The following MEX3D variants were observed in gnomAD, a reference collection of about 807,000 sequenced individuals.
The protein encoded by MEX3D is RNA-binding protein MEX3D.
In MEX3D, 4 loss-of-function variants were observed where a neutral mutation model predicts 6.3. The ratio of observed to expected loss-of-function variants is 0.64; its 90% CI spans 0.31 to 1.46. The LOEUF (loss-of-function observed/expected upper bound fraction) is 1.46. Among genes scored for constraint, MEX3D ranks in the 40% most tolerant of loss-of-function variants. The pLI, the probability that MEX3D is intolerant of heterozygous loss-of-function variation, is 0.07. For missense variants in MEX3D, 1,038 were observed against 994.4 expected (o/e 1.04, Z -0.59); for synonymous variants, 626 against 494.1 (o/e 1.27, Z -3.54).
At position 1,567,043 on chromosome 19, in the gene MEX3D, G is replaced by A. The variant is rs532044931; in HGVS notation, c.595+421C>T. The stretch of plus-strand genomic sequence containing the variant: ...GCCTTCTCTCCCGGTCCTGCAGGCG[G>A]CCCCCCTAAGCCACCCCTAAACCTG... On this transcript the variant is annotated intron_variant, in intron 1 of 1. Transcript: ENST00000402693. This position sits in a 1 kb window ranked among gnomAD's most constrained non-coding sequence, Gnocchi z 6.5. Among the ~76,000 whole-genome samples, 1 of 152,194 alleles carries A rather than the reference G, an allele frequency of 6.6e-6. No homozygotes were observed. The highest frequency in any genetic ancestry group is 2.1e-4 in the South Asian group (1 of 4,832).
rs1366660213 is a variant in MEX3D, at chr19:1,555,992, C to T, written c.1527G>A (p.Gly509=). ...AAGARRSSGA[G]TPRHSPTLPE... ...GCAGCGTGGGCGAGTGGCGGGGGGT[C>T]CCGGCCCCACTGCTGCGCCGGGCGC... Residue 509 remains glycine, a synonymous_variant, in exon 2 of 2, where the codon GGG becomes GGA. Coordinates refer to ENST00000402693, the MANE Select transcript of MEX3D (RefSeq NM_203304.4). 18 of 1,201,196 alleles carry T rather than the reference C, an allele frequency of 1.5e-5. No individual in the cohort carries two copies. The highest frequency in any genetic ancestry group is 4.1e-5 in the East Asian group (1 of 24,282). 74.4% of individuals were successfully genotyped at this position (1,201,196 alleles called of 1,614,324 possible).
chr19:1,555,853 C>T lies in MEX3D; in HGVS notation c.1666G>A (p.Ala556Thr), dbSNP rs1442681156. ...AGCGAGGTGGCCGTGGAGAAGGCGGCGCCGCCTGGGAAGGATACGGGGCCC... is the reference window on the plus strand; with the variant it reads ...AGCGAGGTGGCCGTGGAGAAGGCGGTGCCGCCTGGGAAGGATACGGGGCCC... ...PQGPVSFPGG[A>T]AFSTATSLPS... is the part of the protein sequence containing the mutation. The change falls in exon 2 of 2, where the codon GCC becomes ACC. Residue 556 changes from alanine to threonine, a missense_variant. Transcript: ENST00000402693. 5.3e-6 allele frequency: 7 copies of T among 1,333,072 alleles called. No homozygotes were observed. The highest frequency in any genetic ancestry group is 3.6e-5 in the South Asian group (2 of 55,800). 82.6% of individuals were successfully genotyped at this position (1,333,072 alleles called of 1,614,324 possible).
chr19:1,555,435 A>ACCCCCCCCC lies in MEX3D; in HGVS notation c.*127_*128insGGGGGGGGG. ...CATCTGTAAACACTGGCCGCCGCCC[A>ACCCCCCCCC]CCCCCCTGCCCCCTCGGCCTCCGCC... On this transcript the variant is annotated 3_prime_UTR_variant, in exon 2 of 2. Coordinates refer to ENST00000402693, the MANE Select transcript of MEX3D (RefSeq NM_203304.4). The ACCCCCCCCC allele has an allele frequency of 1.0e-6, 1 of 973,232 alleles. No homozygotes were observed. Among genetic ancestry groups the ACCCCCCCCC allele is most frequent in the Non-Finnish European group, 1.4e-6 (1 of 691,110 alleles). The allele number at this position is 973,232 out of a possible 1,614,324, so 60.3% of individuals were successfully genotyped here.
intron 1 of MEX3D, among the ~76,000 whole-genome samples, chr19:1,563,858 A>T (rs1914776958): frequency 6.6e-6 from 1 of 152,074 alleles, no homozygotes; most frequent in African/African-American, 2.4e-5. Context: ...CCTAGACTGG[A>T]GAGCGGTGAC....
chr19:1,567,597 G>A lies in MEX3D; in HGVS notation c.462C>T (p.Pro154=), dbSNP rs1243078614. ...PDVFAGFAPH[P]AALGPPTLLA... The stretch of plus-strand genomic sequence containing the variant: ...GCAGCGTCGGGGGCCCCAGGGCCGC[G>A]GGGTGGGGCGCGAAGCCCGCGAACA... Residue 154 remains proline, a synonymous_variant, in exon 1 of 2, where the codon CCC becomes CCT. Transcript: ENST00000402693. The surrounding 1 kb of genome is among the most constrained non-coding windows in gnomAD (Gnocchi z 6.5). The A allele has an allele frequency of 5.5e-6, 8 of 1,444,438 alleles. No individual in the cohort carries two copies. Among genetic ancestry groups the A allele is most frequent in the Non-Finnish European group, 6.4e-6 (7 of 1,095,638 alleles). 89.5% of individuals were successfully genotyped at this position (1,444,438 alleles called of 1,614,324 possible).
chr19:1,564,890 G>A lies in MEX3D; in HGVS notation c.595+2574C>T, dbSNP rs192458694. ...GGCCGGGGCACAAAGGACATTGAAA[G>A]GTATGCTTGAGAACGGGGTGGGTGG... On this transcript the variant is annotated intron_variant, in intron 1 of 1. Coordinates refer to ENST00000402693, the MANE Select transcript of MEX3D (RefSeq NM_203304.4). Among the ~76,000 whole-genome samples the A allele has an allele frequency of 2.7e-3, 404 of 152,278 alleles. 4 individuals are homozygous for A. Among genetic ancestry groups the A allele is most frequent in the Non-Finnish European group, 6.5e-4 (44 of 68,020 alleles).
Position 1,567,474 on chromosome 19 carries a change from C to A in MEX3D, c.585G>T (p.Val195=), listed in dbSNP as rs552370496. ...VPSSEHVAEI[V]GRQGCKIKAL... ...ACGAGGGCCACTCACCCTGGCGACC[C>A]ACGATCTCGGCGACGTGCTCGGAGC... The change falls in exon 1 of 2, where the codon GTG becomes GTT. Residue 195 remains valine, a synonymous_variant. Coordinates refer to ENST00000402693, the MANE Select transcript of MEX3D (RefSeq NM_203304.4). This position sits in a 1 kb window ranked among gnomAD's most constrained non-coding sequence, Gnocchi z 6.5. 1 of 1,568,508 alleles carries A rather than the reference C, an allele frequency of 6.4e-7. No individual in the cohort carries two copies. Among genetic ancestry groups the A allele is most frequent in the Non-Finnish European group, 8.6e-7 (1 of 1,158,476 alleles).
rs2145567900 is a variant in MEX3D at position 1,556,223 on chromosome 19, G to A, written c.1296C>T (p.Phe432=). Residue 432 remains phenylalanine, a synonymous_variant, in exon 2 of 2, where the codon TTC becomes TTT. Coordinates refer to ENST00000402693, the MANE Select transcript of MEX3D (RefSeq NM_203304.4). The surrounding 1 kb of genome is among the most constrained non-coding windows in gnomAD (Gnocchi z 7.5). ...CACCGGGACCCTCCGCGCCGAAGGC[G>A]AAGCCCCCGTTGCCGGAGCCGCTGT... ...SPYSGSGNGG[F]AFGAEGPGAP... 4.2e-6 allele frequency: 6 copies of A among 1,413,106 alleles called. No individual in the cohort carries two copies. Among genetic ancestry groups the A allele is most frequent in the Non-Finnish European group, 5.5e-6 (6 of 1,084,806 alleles). 87.5% of individuals were successfully genotyped at this position (1,413,106 alleles called of 1,614,324 possible).
chr19:1,568,172 G>A lies in MEX3D; in HGVS notation c.-114C>T, dbSNP rs1599331013. On this transcript the variant is annotated 5_prime_UTR_variant, in exon 1 of 2. Coordinates refer to ENST00000402693, the MANE Select transcript of MEX3D (RefSeq NM_203304.4). ...CGGCCGCCTGCATCCAGCGGCGGGG[G>A]CGGGCACGGGGGGCCGGGCGGGCGG... 2.2e-6 allele frequency: 2 copies of A among 920,822 alleles called. No homozygotes were observed. Among genetic ancestry groups the A allele is most frequent in the Non-Finnish European group, 2.6e-6 (2 of 775,728 alleles). The allele number at this position is 920,822 out of a possible 1,614,324, so 57.0% of individuals were successfully genotyped here. A position where few individuals can be genotyped will look rare whatever the true frequency, so the allele number is the denominator to read the frequency against.
chr19:1,567,731 C>T lies in MEX3D; in HGVS notation c.328G>A (p.Gly110Ser), dbSNP rs1914883281. 4.0e-6 allele frequency: 4 copies of T among 988,664 alleles called. No homozygotes were observed. Among genetic ancestry groups the T allele is most frequent in the Middle Eastern group, 4.7e-4 (1 of 2,114 alleles). The allele number at this position is 988,664 out of a possible 1,614,324, so 61.2% of individuals were successfully genotyped here. A position where few individuals can be genotyped will look rare whatever the true frequency, so the allele number is the denominator to read the frequency against. Reference sequence around the variant, plus strand: ...GCGGGGGCCAGGGTCGGGGGCGCGCCGGCCTCAGGTCCGTCGGGGGGCACA... The same window carrying T: ...GCGGGGGCCAGGGTCGGGGGCGCGCTGGCCTCAGGTCCGTCGGGGGGCACA... ...EPVPPDGPEA[G>S]APPTLAPAVA... The change falls in exon 1 of 2, where the codon GGC (glycine) becomes AGC (serine). Residue 110 changes from glycine (G) to serine (S), a missense_variant. Gly to Ser is a moderately conservative substitution (Grantham distance 56, BLOSUM62 0). Coordinates refer to ENST00000402693, the MANE Select transcript of MEX3D (RefSeq NM_203304.4). The surrounding 1 kb of genome is among the most constrained non-coding windows in gnomAD (Gnocchi z 6.5).
At chr19:1,565,008 C>A (rs1914804868) in intron 1 of MEX3D, among the ~76,000 whole-genome samples, 1 of 152,166 alleles carries the variant, frequency 6.6e-6, no homozygotes, top group South Asian at 2.1e-4. Flanking sequence ...AGCTGCCAAC[C>A]TGTCCTGGCA....
At position 1,567,114 on chromosome 19, in the gene MEX3D, G is replaced by T. The variant is rs942266707; in HGVS notation, c.595+350C>A. Among the ~76,000 whole-genome samples the T allele has an allele frequency of 6.6e-6, 1 of 151,996 alleles. No individual in the cohort carries two copies. The highest frequency in any genetic ancestry group is 2.4e-5 in the African/African-American group (1 of 41,412). On this transcript the variant is annotated intron_variant, in intron 1 of 1. Transcript: ENST00000402693. This position sits in a 1 kb window ranked among gnomAD's most constrained non-coding sequence, Gnocchi z 6.5. ...CTGTGCTGGGTGTGGGGCGCCCCCC[G>T]CCCGGCCGGAGCCCCGGGCCCTCGA... is the stretch of plus-strand genomic sequence containing the variant.
rs2145579953 is a variant in MEX3D at position 1,567,950 on chromosome 19, C to T, written c.109G>A (p.Glu37Lys). 2 of 977,004 alleles carry T rather than the reference C, an allele frequency of 2.0e-6. No homozygotes were observed. Among genetic ancestry groups the T allele is most frequent in the Non-Finnish European group, 2.4e-6 (2 of 826,810 alleles). 60.5% of individuals were successfully genotyped at this position (977,004 alleles called of 1,614,324 possible). ...GCGGGCGCGGCCTCCTGGGCGCCCT[C>T]GGGCGGGGGCGCAGGTCCGGGTCCG... ...DPGPGPAPPP[E>K]GAQEAAPAPR... Residue 37 changes from glutamate (E) to lysine (K), a missense_variant, in exon 1 of 2, where the codon GAG becomes AAG. Coordinates refer to ENST00000402693, the MANE Select transcript of MEX3D (RefSeq NM_203304.4). This position sits in a 1 kb window ranked among gnomAD's most constrained non-coding sequence, Gnocchi z 6.5.
In MEX3D at chr19:1,567,696, G is replaced by A. The variant is rs536288537; in HGVS notation, c.363C>T (p.Pro121=). Residue 121 remains proline, a synonymous_variant, in exon 1 of 2, where the codon CCC becomes CCT. Coordinates refer to ENST00000402693, the MANE Select transcript of MEX3D (RefSeq NM_203304.4). The surrounding 1 kb of genome is among the most constrained non-coding windows in gnomAD (Gnocchi z 6.5). ...TGGGGTCCAGCAGCGGCAGCGACCC[G>A]GGGGCCACGGCGGGGGCCAGGGTCG... The part of the protein sequence containing the change: ...APPTLAPAVA[P]GSLPLLDPNA... 4,353 of 1,080,640 alleles carry A rather than the reference G, an allele frequency of 4.0e-3. 143 individuals are homozygous for A. The African/African-American group carries it at 0.066, about 16-fold the overall frequency. The allele number at this position is 1,080,640 out of a possible 1,614,324, so 66.9% of individuals were successfully genotyped here.
At chr19:1,559,147 T>C (rs142050940) in intron 1 of MEX3D, among the ~76,000 whole-genome samples, 14 of 152,220 alleles carry the variant, frequency 9.2e-5, no homozygotes, top group Non-Finnish European at 1.3e-4. Context: ...TAATTAGTTA[T>C]TGAGACGGAG....
At position 1,567,362 on chromosome 19, in the gene MEX3D, G is replaced by A. The variant is rs368706339; in HGVS notation, c.595+102C>T. On this transcript the variant is annotated intron_variant, in intron 1 of 1. Coordinates refer to ENST00000402693, the MANE Select transcript of MEX3D (RefSeq NM_203304.4). This position sits in a 1 kb window ranked among gnomAD's most constrained non-coding sequence, Gnocchi z 6.5. ...AGCCCACGCGGGGCGTGTCCGGTGC[G>A]GGGCGTCCGGCGCGGGCTGGGCTGG... 7.7e-7 allele frequency: 1 copy of A among 1,299,214 alleles called. No individual in the cohort carries two copies. The highest frequency in any genetic ancestry group is 9.9e-7 in the Non-Finnish European group (1 of 1,007,850). The allele number at this position is 1,299,214 out of a possible 1,614,324, so 80.5% of individuals were successfully genotyped here.
intron 1 of MEX3D, among the ~76,000 whole-genome samples, chr19:1,562,869 G>A (rs1914753913): frequency 6.6e-6 from 1 of 151,760 alleles, no homozygotes; most frequent in African/African-American, 2.4e-5. Context: ...ACAAAAATGA[G>A]CCTGGCGTGG....
In MEX3D at chr19:1,567,759, C is replaced by A; in HGVS notation, c.300G>T (p.Glu100Asp). 4 of 963,770 alleles carry A rather than the reference C, an allele frequency of 4.2e-6. No homozygotes were observed. The highest frequency in any genetic ancestry group is 5.0e-6 in the Non-Finnish European group (4 of 806,944). The allele number at this position is 963,770 out of a possible 1,614,324, so 59.7% of individuals were successfully genotyped here. ...CCTCAGGTCCGTCGGGGGGCACAGG[C>A]TCCGGAGCCGCCCCGCCGTCCGCGC... The part of the protein sequence containing the change: ...AGGADGGAAP[E>D]PVPPDGPEAG... Residue 100 changes from glutamate (E) to aspartate (D), a missense_variant, in exon 1 of 2, where the codon GAG (glutamate) becomes GAT (aspartate). Glu to Asp is a conservative substitution (Grantham distance 45). This residue lies in a region of MEX3D where 265 missense variants were observed against 206.3 expected (regional missense o/e 1.28). Transcript: ENST00000402693. The surrounding 1 kb of genome is among the most constrained non-coding windows in gnomAD (Gnocchi z 6.5).
intron 1 of MEX3D, among the ~76,000 whole-genome samples, chr19:1,562,324 A>T (rs1914740172): frequency 6.7e-6 from 1 of 149,748 alleles, no homozygotes; most frequent in African/African-American, 2.5e-5. Flanking sequence ...CAGGAGTTCG[A>T]GACCAGACTG....
Sources: gnomAD v4.1 joint callset for allele counts (sites outside exome capture counted in the v4.1 genomes callset) on GRCh38, gnomAD v4.1.1 for gene constraint, gnomAD v4.1.1 regional missense constraint, Gnocchi (gnomAD v3.1) non-coding constraint, MANE v1.5 for transcripts, NCBI Gene and HGNC (gene_info 2026-07-23, HGNC 2026-07-21) for gene names.